ADGRL1: variants seen among roughly 807,000 people sequenced by gnomAD.
ADGRL1 encodes CIRL-1.
Under a neutral mutation model 148.9 loss-of-function variants are expected in ADGRL1, and 31 were observed. The observed-to-expected ratio is 0.21, with a 90% CI of 0.16 to 0.28. The LOEUF is 0.28. Among genes scored for constraint, ADGRL1 ranks in the 10% least tolerant of loss-of-function variants. ADGRL1 has a pLI of 1.00. For synonymous variants in ADGRL1, 937 were observed against 900.3 expected, an observed-to-expected ratio of 1.04 and a Z score of -0.73; for missense variants, 1,521 against 2,058.8, an observed-to-expected ratio of 0.74 and a Z score of 5.05.
Position 14,155,780 on chromosome 19 carries a change from T to C in ADGRL1, c.3126-253A>G. On this transcript the variant is annotated intron_variant, in intron 17 of 22. Transcript: ENST00000361434. This position sits in a 1 kb window ranked among gnomAD's most constrained non-coding sequence, Gnocchi z 5.0. The stretch of plus-strand genomic sequence containing the variant: ...TCAGTTATTCCTCTGCCAACTTCAT[T>C]GTTTCTGCTAAATTTCCAGACCACT... 1 of 576,536 alleles carries C rather than the reference T, an allele frequency of 1.7e-6. No individual in the cohort carries two copies. Among genetic ancestry groups the C allele is most frequent in the East Asian group, 2.9e-5 (1 of 34,786 alleles). The allele number at this position is 576,536 out of a possible 1,614,324, so 35.7% of individuals were successfully genotyped here.
At position 14,188,867 on chromosome 19, in the gene ADGRL1, G is replaced by A. The variant is rs139441130; in HGVS notation, c.-95-5170C>T. ...TGGCTCACTGCAACTTCCACCTCCC[G>A]GGTTCAAGTGATTCTCCTGCCTCAG... On this transcript the variant is annotated intron_variant, in intron 1 of 22. Transcript: ENST00000361434. 7.7e-3 allele frequency among the ~76,000 whole-genome samples: 1,163 copies of A among 151,936 alleles called. 25 individuals are homozygous for A. Among genetic ancestry groups the A allele is most frequent in the African/African-American group, 0.027 (1,101 of 41,424 alleles).
At position 14,160,021 on chromosome 19, in the gene ADGRL1, C is replaced by A. The variant is rs1969183559; in HGVS notation, c.1800+91G>T. 2.2e-6 allele frequency: 3 copies of A among 1,373,440 alleles called. No homozygotes were observed. The highest frequency in any genetic ancestry group is 2.3e-4 in the Middle Eastern group (1 of 4,306). The allele number at this position is 1,373,440 out of a possible 1,614,324, so 85.1% of individuals were successfully genotyped here. On this transcript the variant is annotated intron_variant, in intron 8 of 22. Transcript: ENST00000361434. This position sits in a 1 kb window ranked among gnomAD's most constrained non-coding sequence, Gnocchi z 5.9. Reference sequence around the variant, plus strand: ...CTGAGGAAAGGAGTGGAGGTGGCAGCCTGGCTGGGAGGTACCAGGTCAGGT... The same window carrying A: ...CTGAGGAAAGGAGTGGAGGTGGCAGACTGGCTGGGAGGTACCAGGTCAGGT...
intron 2 of ADGRL1, among the ~76,000 whole-genome samples, chr19:14,181,812 C>T (rs550785680): frequency 3.3e-5 from 5 of 152,192 alleles, no homozygotes; most frequent in South Asian, 4.1e-4. Flanking sequence ...CCTACAGCCC[C>T]GGGTCATCCT....
chr19:14,182,259 T>C (rs1014500600), intron 2 of ADGRL1, among the ~76,000 whole-genome samples: 1 of 152,206 alleles, frequency 6.6e-6, no homozygotes, highest in Non-Finnish European at 1.5e-5. Context: ...TTATGAATAT[T>C]ATTAAGGCGG....
chr19:14,189,714 A>G (rs1369367623), intron 1 of ADGRL1, among the ~76,000 whole-genome samples: 6 of 151,968 alleles, frequency 3.9e-5, no homozygotes, highest in Non-Finnish European at 8.8e-5. Context: ...GATCCTTTTT[A>G]TTTTCTCCCT....
Position 14,160,724 on chromosome 19 carries a change from C to T in ADGRL1, c.1511-28G>A. On this transcript the variant is annotated intron_variant, in intron 6 of 22. Transcript: ENST00000361434. This position sits in a 1 kb window ranked among gnomAD's most constrained non-coding sequence, Gnocchi z 5.9. ...GCAGGGACAGACAGACAGGAACAGA[C>T]AAGGGAGCCAAAGGGAAGAAGAGAA... is the stretch of plus-strand genomic sequence containing the variant. 1 of 1,349,796 alleles carries T rather than the reference C, an allele frequency of 7.4e-7. No individual in the cohort carries two copies. The highest frequency in any genetic ancestry group is 1.4e-5 in the African/African-American group (1 of 69,926). The allele number at this position is 1,349,796 out of a possible 1,614,324, so 83.6% of individuals were successfully genotyped here.
At chr19:14,156,512 C>G in intron 16 of ADGRL1, 146 bp downstream of exon 16, 1 of 689,316 alleles carries the variant, frequency 1.5e-6, no homozygotes, top group East Asian at 2.7e-5. Flanking sequence ...CTTTCATCCT[C>G]TCAGCCGGTG....
In ADGRL1 at chr19:14,157,500, T is replaced by A; in HGVS notation, c.2536-40A>T. ...AGGGGGCACGCTCAGGGCCTTTGGT[T>A]TTGCACGCTGGGCTCAGCCAGGTGC... On this transcript the variant is annotated intron_variant, in intron 13 of 22. Coordinates refer to ENST00000361434, the MANE Select transcript of ADGRL1 (RefSeq NM_014921.5). This position sits in a 1 kb window ranked among gnomAD's most constrained non-coding sequence, Gnocchi z 7.5. 6.3e-7 allele frequency: 1 copy of A among 1,596,364 alleles called. No individual in the cohort carries two copies. Among genetic ancestry groups the A allele is most frequent in the Non-Finnish European group, 8.6e-7 (1 of 1,165,338 alleles).
At chr19:14,184,194 T>G (rs1200006808) in intron 1 of ADGRL1, among the ~76,000 whole-genome samples, 1 of 152,116 alleles carries the variant, frequency 6.6e-6, no homozygotes, top group Non-Finnish European at 1.5e-5. Flanking sequence ...GGTGGCTAAT[T>G]AGAATCCAGC....
In ADGRL1 at chr19:14,162,324, C is replaced by G. The variant is rs1044682156; in HGVS notation, c.1195+282G>C. On this transcript the variant is annotated intron_variant, in intron 5 of 22. Coordinates refer to ENST00000361434, the MANE Select transcript of ADGRL1 (RefSeq NM_014921.5). The surrounding 1 kb of genome is among the most constrained non-coding windows in gnomAD (Gnocchi z 5.4). ...GCACTGCAGTTCAGTGGTTGGGAGG[C>G]TGGGTTCAAATCCTCAAATAACTTA... 6.6e-6 allele frequency among the ~76,000 whole-genome samples: 1 copy of G among 152,172 alleles called. No individual in the cohort carries two copies. Among genetic ancestry groups the G allele is most frequent in the African/African-American group, 2.4e-5 (1 of 41,430 alleles).
At chr19:14,172,291 G>A (rs1400676213) in intron 3 of ADGRL1, among the ~76,000 whole-genome samples, 3 of 152,118 alleles carry the variant, frequency 2.0e-5, no homozygotes, top group Admixed American at 2.0e-4. Context: ...GCGTGGTGGT[G>A]CATGTCTGTA....
chr19:14,198,113 GA>G (rs1400847076), intron 1 of ADGRL1, among the ~76,000 whole-genome samples: 1 of 152,154 alleles, frequency 6.6e-6, no homozygotes, highest in Non-Finnish European at 1.5e-5. Flanking sequence ...GGAATGTGCT[GA>G]GATGTGGCTG....
intron 1 of ADGRL1, among the ~76,000 whole-genome samples, chr19:14,184,545 A>G (rs1213509518): frequency 1.3e-5 from 2 of 150,804 alleles, no homozygotes; most frequent in Non-Finnish European, 3.0e-5. Context: ...GAATCCTCCC[A>G]CCTCAGCCTC....
intron 1 of ADGRL1, among the ~76,000 whole-genome samples, chr19:14,202,758 G>A (rs1158103927): frequency 6.6e-6 from 1 of 152,138 alleles, no homozygotes; most frequent in African/African-American, 2.4e-5. Flanking sequence ...GATGCAGACA[G>A]CCCCATGTGT....
In ADGRL1 at chr19:14,155,945, G is replaced by A. The variant is rs1968685499; in HGVS notation, c.3125+165C>T. ...TGATACGCTATCTAAGACCCATTAA[G>A]TAGGTACATAGTGAACACAATAGAA... On this transcript the variant is annotated intron_variant, in intron 17 of 22. Transcript: ENST00000361434. This position sits in a 1 kb window ranked among gnomAD's most constrained non-coding sequence, Gnocchi z 5.0. 1 of 625,706 alleles carries A rather than the reference G, an allele frequency of 1.6e-6. No homozygotes were observed. Among genetic ancestry groups the A allele is most frequent in the East Asian group, 2.8e-5 (1 of 36,336 alleles). 38.8% of individuals were successfully genotyped at this position (625,706 alleles called of 1,614,324 possible). A position where few individuals can be genotyped will look rare whatever the true frequency, so the allele number is the denominator to read the frequency against.
At chr19:14,199,794 C>T (rs753710182) in intron 1 of ADGRL1, among the ~76,000 whole-genome samples, 8 of 151,372 alleles carry the variant, frequency 5.3e-5, no homozygotes, top group South Asian at 4.2e-4. Flanking sequence ...AGTGCAATGG[C>T]GTGATCTTGG....
At chr19:14,176,254 G>A (rs1008640200) in intron 3 of ADGRL1, among the ~76,000 whole-genome samples, 2 of 151,990 alleles carry the variant, frequency 1.3e-5, no homozygotes, top group Non-Finnish European at 2.9e-5. Flanking sequence ...GGGAGGCTGA[G>A]GCAGGAGAAT....
At position 14,198,592 on chromosome 19, in the gene ADGRL1, C is replaced by G. The variant is rs539975139; in HGVS notation, c.-96+7393G>C. Among the ~76,000 whole-genome samples the G allele has an allele frequency of 8.0e-4, 122 of 152,142 alleles. 6 individuals carry two copies. In the South Asian group the frequency reaches 0.025, roughly 31 times the overall value. On this transcript the variant is annotated intron_variant, in intron 1 of 22. Coordinates refer to ENST00000361434, the MANE Select transcript of ADGRL1 (RefSeq NM_014921.5). ...CCTGCCATCTGGATCCTGACGCAAA[C>G]CCCCTACCTCTACCCCCACCCCTGC...
intron 1 of ADGRL1, among the ~76,000 whole-genome samples, chr19:14,190,099 T>G (rs1971836529): frequency 6.6e-6 from 1 of 152,106 alleles, no homozygotes; most frequent in Non-Finnish European, 1.5e-5. Flanking sequence ...GGTTAATTTT[T>G]GTATTTTTAG....
Sources: gnomAD v4.1 joint callset for allele counts (sites outside exome capture counted in the v4.1 genomes callset) on GRCh38, gnomAD v4.1.1 for gene constraint, Gnocchi (gnomAD v3.1) non-coding constraint, MANE v1.5 for transcripts, NCBI Gene and HGNC (gene_info 2026-07-23, HGNC 2026-07-21) for gene names.